PPP2R5E: variants seen among roughly 807,000 people sequenced by gnomAD.
PPP2R5E encodes serine/threonine-protein phosphatase 2A 56 kDa regulatory subunit epsilon isoform.
Under a neutral mutation model 65.3 loss-of-function variants are expected in PPP2R5E, and 4 were observed. The ratio of observed to expected loss-of-function variants is 0.06; its 90% CI spans 0.03 to 0.14. PPP2R5E has a LOEUF of 0.14. PPP2R5E is among the 10% of genes least tolerant of loss of function. The pLI, the probability that PPP2R5E is intolerant of heterozygous loss-of-function variation, is 1.00. For synonymous variants in PPP2R5E, 183 were observed against 187.4 expected (o/e 0.98, Z 0.19); for missense variants, 274 against 556.1 (o/e 0.49, Z 5.10).
intron 2 of PPP2R5E, among the ~76,000 whole-genome samples, chr14:63,502,077 T>C (rs984982313): frequency 6.6e-6 from 1 of 152,122 alleles, no homozygotes; most frequent in Non-Finnish European, 1.5e-5. Context: ...GTATTTTTAG[T>C]TGAGATGCGG....
rs1451325523 is a variant in PPP2R5E at position 63,374,636 on chromosome 14, TATATATATATATATATATA to T, written c.*1354_*1372del. 7 of 42,142 alleles carry T rather than the reference TATATATATATATATATATA, an allele frequency of 1.7e-4. No homozygotes were observed. Among genetic ancestry groups the T allele is most frequent in the East Asian group, 5.4e-4 (2 of 3,730 alleles). 2.6% of individuals were successfully genotyped at this position (42,142 alleles called of 1,614,324 possible). On this transcript the variant is annotated 3_prime_UTR_variant, in exon 14 of 14. Transcript: ENST00000337537. ...AATACAAAGCAGAGAGCCAATAAGA[TATATATATATATATATATA>T]TATATATATATATAAAATACAGCCC...
At chr14:63,390,045 TA>T in intron 10 of PPP2R5E, among the ~76,000 whole-genome samples, 1 of 151,940 alleles carries the variant, frequency 6.6e-6, no homozygotes. Flanking sequence ...TCCTCTCTAT[TA>T]TTAGTAATCC....
chr14:63,412,709 T>C (rs2139853060), intron 5 of PPP2R5E, among the ~76,000 whole-genome samples: 1 of 152,316 alleles, frequency 6.6e-6, no homozygotes, highest in East Asian at 1.9e-4. Flanking sequence ...TGGATTTCTA[T>C]TTATCTTGGG....
intron 2 of PPP2R5E, among the ~76,000 whole-genome samples, chr14:63,510,068 TC>T (rs1187776750): frequency 6.6e-6 from 1 of 152,222 alleles, no homozygotes; most frequent in Non-Finnish European, 1.5e-5. Context: ...TATATTTAAA[TC>T]CATGAAGATG....
intron 2 of PPP2R5E, among the ~76,000 whole-genome samples, chr14:63,494,731 C>T (rs1891455994): frequency 1.3e-5 from 2 of 151,344 alleles, no homozygotes; most frequent in Middle Eastern, 3.4e-3. Context: ...CCCATCTCTA[C>T]AAAAAATACA....
intron 12 of PPP2R5E, among the ~76,000 whole-genome samples, chr14:63,384,177 C>T (rs1296006123): frequency 1.3e-5 from 2 of 152,186 alleles, no homozygotes; most frequent in Non-Finnish European, 2.9e-5. Context: ...ATCTACACAC[C>T]TCTCCTCTCA....
At chr14:63,537,807 C>T (rs184559217) in intron 2 of PPP2R5E, among the ~76,000 whole-genome samples, 1 of 152,240 alleles carries the variant, frequency 6.6e-6, no homozygotes, top group Non-Finnish European at 1.5e-5. Flanking sequence ...CCCCTTTCTC[C>T]CATTCTTCAG....
intron 2 of PPP2R5E, among the ~76,000 whole-genome samples, chr14:63,522,736 C>T (rs1468844682): frequency 1.7e-4 from 25 of 147,424 alleles, no homozygotes; most frequent in Non-Finnish European, 3.3e-4. Context: ...AGTGAGGAGC[C>T]CCTCCGCCCG....
intron 3 of PPP2R5E, among the ~76,000 whole-genome samples, chr14:63,423,600 G>A (rs575995621): frequency 3.3e-5 from 5 of 152,308 alleles, no homozygotes; most frequent in Admixed American, 1.3e-4. Flanking sequence ...AAAAAGAAAG[G>A]AGATATTGCA....
In PPP2R5E at chr14:63,375,810, T is replaced by A; in HGVS notation, c.*199A>T. 2.5e-6 allele frequency: 1 copy of A among 396,068 alleles called. No individual in the cohort carries two copies. 24.5% of individuals were successfully genotyped at this position (396,068 alleles called of 1,614,324 possible). A position where few individuals can be genotyped will look rare whatever the true frequency, so the allele number is the denominator to read the frequency against. On this transcript the variant is annotated 3_prime_UTR_variant, in exon 14 of 14. Transcript: ENST00000337537. ...TGTTTGCAAAGTTCTGAGAAGTCCA[T>A]CTACTGTCCAAACTTTGGATTGAAG...
chr14:63,468,368 A>T (rs1225516585), intron 2 of PPP2R5E, among the ~76,000 whole-genome samples: 1 of 152,200 alleles, frequency 6.6e-6, no homozygotes, highest in African/African-American at 2.4e-5. Context: ...ATTGACCTTG[A>T]CCTACTAATA....
chr14:63,406,178 G>A (rs548849309), intron 5 of PPP2R5E, among the ~76,000 whole-genome samples: 33 of 152,190 alleles, frequency 2.2e-4, no homozygotes, highest in Admixed American at 1.4e-3. Flanking sequence ...TTGGGAGGCC[G>A]AGGCGGGCAG....
At position 63,372,191 on chromosome 14, in the gene PPP2R5E, T is replaced by G. The variant is rs1163111517; in HGVS notation, c.*3818A>C. The G allele has an allele frequency of 2.0e-5, 3 of 152,152 alleles. No individual in the cohort carries two copies. The highest frequency in any genetic ancestry group is 7.2e-5 in the African/African-American group (3 of 41,444). The allele number at this position is 152,152 out of a possible 1,614,324, so 9.4% of individuals were successfully genotyped here. On this transcript the variant is annotated 3_prime_UTR_variant, in exon 14 of 14. Transcript: ENST00000337537. ...GGATGTTTATTTCCAAGAGAGATACTACTGCTGCTATCGTGCACAAGAAGC... is the reference window on the plus strand; with the variant it reads ...GGATGTTTATTTCCAAGAGAGATACGACTGCTGCTATCGTGCACAAGAAGC...
intron 2 of PPP2R5E, among the ~76,000 whole-genome samples, chr14:63,503,856 T>C (rs1892028682): frequency 6.6e-6 from 1 of 152,136 alleles, no homozygotes; most frequent in East Asian, 1.9e-4. Flanking sequence ...TCAGTATGCC[T>C]CCCTGCCCCA....
At chr14:63,448,547 T>C (rs995357776) in intron 3 of PPP2R5E, among the ~76,000 whole-genome samples, 1 of 152,042 alleles carries the variant, frequency 6.6e-6, no homozygotes, top group Non-Finnish European at 1.5e-5. Flanking sequence ...TCCCAGCACT[T>C]TGGGAGGCTG....
At chr14:63,473,964 G>A (rs139466889) in intron 2 of PPP2R5E, among the ~76,000 whole-genome samples, 20 of 152,266 alleles carry the variant, frequency 1.3e-4, no homozygotes, top group Non-Finnish European at 2.4e-4. Flanking sequence ...GTGAGCACAT[G>A]GTTTGTATTA....
At chr14:63,525,233 T>G (rs952036623) in intron 2 of PPP2R5E, among the ~76,000 whole-genome samples, 3 of 152,158 alleles carry the variant, frequency 2.0e-5, no homozygotes, top group Non-Finnish European at 4.4e-5. Flanking sequence ...GACTTTCTCC[T>G]CCCAAATTCT....
At chr14:63,453,576 T>G in intron 3 of PPP2R5E, 113 bp downstream of exon 3, 1 of 981,468 alleles carries the variant, frequency 1.0e-6, no homozygotes, top group South Asian at 1.7e-5. Context: ...TCTCCAAAGG[T>G]TGGCTCTCAT....
chr14:63,388,576 A>AT (rs1227345820), intron 11 of PPP2R5E, among the ~76,000 whole-genome samples: 2 of 152,240 alleles, frequency 1.3e-5, no homozygotes, highest in African/African-American at 4.8e-5. Flanking sequence ...AAATATCTAT[A>AT]TACTGTTCTG....
Sources: allele counts gnomAD v4.1 joint callset (sites outside exome capture counted in the v4.1 genomes callset), GRCh38; gene constraint gnomAD v4.1.1; transcripts MANE v1.5; gene names NCBI Gene and HGNC (gene_info 2026-07-23, HGNC 2026-07-21).